PRTG: variants seen among roughly 807,000 people sequenced by gnomAD.
The protein encoded by PRTG is protogenin.
A neutral mutation model predicts 122.5 loss-of-function variants in PRTG; 67 were observed. The ratio of observed to expected loss-of-function variants is 0.55; its 90% CI spans 0.45 to 0.67. The LOEUF (loss-of-function observed/expected upper bound fraction) is 0.67. PRTG is among the 30% of genes least tolerant of loss of function. The probability of loss-of-function intolerance (pLI) is 0.00; values close to 1 mark genes in which losing one functional copy is unlikely to be tolerated. For missense variants in PRTG, 1,435 were observed against 1,415.4 expected, an observed-to-expected ratio of 1.01 and a Z score of -0.22; for synonymous variants, 554 against 501.1, an observed-to-expected ratio of 1.11 and a Z score of -1.41.
chr15:55,692,757 C>A (rs1459414429), intron 2 of PRTG, among the ~76,000 whole-genome samples: 2 of 147,796 alleles, frequency 1.4e-5, no homozygotes, highest in East Asian at 2.0e-4. Flanking sequence ...TTAAGATTTA[C>A]AGAAAGACAT....
intron 2 of PRTG, among the ~76,000 whole-genome samples, chr15:55,708,157 A>AAAAAAAAAAAAAC (rs2030215699): frequency 1.1e-5 from 1 of 94,068 alleles, no homozygotes; most frequent in Non-Finnish European, 2.2e-5. Flanking sequence ...GTAAAAAAAA[A>AAAAAAAAAAAAAC]AAAAAAAAAA....
intron 13 of PRTG, among the ~76,000 whole-genome samples, chr15:55,639,229 C>A (rs1040338200): frequency 9.2e-5 from 14 of 152,076 alleles, no homozygotes; most frequent in Non-Finnish European, 1.6e-4. Context: ...CCACCTCAGC[C>A]CCCCCAAAAT....
intron 9 of PRTG, among the ~76,000 whole-genome samples, chr15:55,674,913 T>C (rs1344667843): frequency 6.6e-6 from 1 of 152,116 alleles, no homozygotes; most frequent in African/African-American, 2.4e-5. Context: ...CAGAGGAGGA[T>C]AATCAGTTCT....
At chr15:55,691,093 G>C (rs887791909) in intron 2 of PRTG, among the ~76,000 whole-genome samples, 2 of 151,970 alleles carry the variant, frequency 1.3e-5, no homozygotes, top group Non-Finnish European at 2.9e-5. Flanking sequence ...TCAGGAGTTC[G>C]AGACCAACCT....
intron 9 of PRTG, among the ~76,000 whole-genome samples, chr15:55,674,326 A>C (rs536092672): frequency 6.6e-6 from 1 of 152,294 alleles, no homozygotes; most frequent in East Asian, 1.9e-4. Flanking sequence ...TCTCTTACCT[A>C]GGTTTCTTCA....
intron 2 of PRTG, among the ~76,000 whole-genome samples, chr15:55,728,151 C>G (rs2031104773): frequency 6.6e-6 from 1 of 152,096 alleles, no homozygotes. Flanking sequence ...CAGGCATGAC[C>G]CACTGTGCCT....
At chr15:55,718,610 T>C (rs1360910275) in intron 2 of PRTG, among the ~76,000 whole-genome samples, 4 of 147,030 alleles carry the variant, frequency 2.7e-5, no homozygotes, top group African/African-American at 4.9e-5. Flanking sequence ...AACAGCCTTG[T>C]TGCTCACAAA....
chr15:55,646,626 C>T (rs1461588477), intron 11 of PRTG, among the ~76,000 whole-genome samples: 1 of 152,188 alleles, frequency 6.6e-6, no homozygotes, highest in Non-Finnish European at 1.5e-5. Flanking sequence ...CCGGCTGTCA[C>T]TCCTCAATTC....
rs35892578 is a variant in PRTG, at chr15:55,740,031, T to TA, written c.397+350dup. On this transcript the variant is annotated intron_variant, in intron 2 of 19. Coordinates refer to ENST00000389286, the MANE Select transcript of PRTG (RefSeq NM_173814.6). ...TTTGCTTGTGATTGTTTTCATTAATTACTAATTTCCATAAGATTAAATTTT... is the reference window on the plus strand; with the variant it reads ...TTTGCTTGTGATTGTTTTCATTAATTAACTAATTTCCATAAGATTAAATTTT... 8.5e-4 allele frequency among the ~76,000 whole-genome samples: 129 copies of TA among 152,366 alleles called. 2 individuals carry two copies. In the South Asian group the frequency reaches 0.016, roughly 19 times the overall value.
At chr15:55,675,970 G>T (rs1036110994) in intron 8 of PRTG, among the ~76,000 whole-genome samples, 15 of 152,130 alleles carry the variant, frequency 9.9e-5, no homozygotes, top group Non-Finnish European at 2.1e-4. Context: ...ACAATGTACA[G>T]TAGTAACATA....
chr15:55,683,670 T>A (rs1312917096), intron 3 of PRTG, 117 bp downstream of exon 3: 3 of 747,312 alleles, frequency 4.0e-6, no homozygotes, highest in East Asian at 5.5e-5. Context: ...TCTTAAGCAA[T>A]CAGTTATTAC....
chr15:55,732,163 G>A (rs1226950891), intron 2 of PRTG, among the ~76,000 whole-genome samples: 1 of 152,174 alleles, frequency 6.6e-6, no homozygotes, highest in Non-Finnish European at 1.5e-5. Context: ...TGACTGGAAT[G>A]TTGTTACACT....
chr15:55,704,833 G>T (rs749589608), intron 2 of PRTG, among the ~76,000 whole-genome samples: 3 of 152,050 alleles, frequency 2.0e-5, no homozygotes, highest in Non-Finnish European at 4.4e-5. Flanking sequence ...ATTGATAACA[G>T]GATATATATA....
At chr15:55,644,402 C>A (rs2059309126) in intron 11 of PRTG, among the ~76,000 whole-genome samples, 1 of 152,160 alleles carries the variant, frequency 6.6e-6, no homozygotes, top group African/African-American at 2.4e-5. Flanking sequence ...TCAATCAATA[C>A]TGCATGAATA....
At chr15:55,728,674 C>A (rs574439412) in intron 2 of PRTG, among the ~76,000 whole-genome samples, 1 of 152,318 alleles carries the variant, frequency 6.6e-6, no homozygotes, top group East Asian at 1.9e-4. Flanking sequence ...GAAAGCTTTT[C>A]TCCTCTGATC....
chr15:55,646,839 A>G (rs2059327077), intron 11 of PRTG, among the ~76,000 whole-genome samples: 1 of 152,164 alleles, frequency 6.6e-6, no homozygotes, highest in African/African-American at 2.4e-5. Context: ...CTTTTCTTTT[A>G]TTAGGGAGTC....
chr15:55,735,059 T>C (rs1426085516), intron 2 of PRTG, among the ~76,000 whole-genome samples: 1 of 152,234 alleles, frequency 6.6e-6, no homozygotes, highest in Non-Finnish European at 1.5e-5. Context: ...ATTAAAATGA[T>C]GATTTTTTTA....
intron 15 of PRTG, among the ~76,000 whole-genome samples, chr15:55,631,321 T>A (rs990365645): frequency 9.2e-5 from 14 of 151,620 alleles, no homozygotes; most frequent in Admixed American, 9.2e-4. Flanking sequence ...ATAAATAAAT[T>A]GAGTTTCCAT....
chr15:55,686,375 C>A (rs192225448), intron 2 of PRTG, among the ~76,000 whole-genome samples: 29 of 152,164 alleles, frequency 1.9e-4, no homozygotes, highest in African/African-American at 5.8e-4. Flanking sequence ...TCAGACTCTA[C>A]CTCTCCAGAC....
Sources: allele counts gnomAD v4.1 joint callset (sites outside exome capture counted in the v4.1 genomes callset), GRCh38; gene constraint gnomAD v4.1.1; transcripts MANE v1.5; gene names NCBI Gene and HGNC (gene_info 2026-07-23, HGNC 2026-07-21).